GFRA2: variants seen among roughly 807,000 people sequenced by gnomAD.
The protein encoded by GFRA2 is GDNF family receptor alpha 2.
GFRA2 carries 17 observed loss-of-function variants against 48.3 expected under a neutral mutation model. That is an observed-to-expected ratio of 0.35 (90% CI 0.24 to 0.53). The LOEUF (loss-of-function observed/expected upper bound fraction) is 0.53. Ranked by LOEUF, GFRA2 falls within the 20% of genes least tolerant of loss-of-function variation. The pLI is 0.93. For synonymous variants in GFRA2, 305 were observed against 257.2 expected (o/e 1.19, Z -1.78); for missense variants, 660 against 637.3 (o/e 1.04, Z -0.38).
intron 1 of GFRA2, among the ~76,000 whole-genome samples, chr8:21,811,684 T>C (rs1381522160): frequency 1.3e-5 from 2 of 152,046 alleles, no homozygotes; most frequent in Non-Finnish European, 2.9e-5. Context: ...CCCCACAGGC[T>C]GTCCTAACAG....
rs752107336 is a variant in GFRA2 at position 21,702,967 on chromosome 8, G to A, written c.1056C>T (p.Ile352=). The A allele has an allele frequency of 1.2e-5, 19 of 1,522,850 alleles. No individual in the cohort carries two copies. In the African/African-American group the frequency reaches 1.7e-4, roughly 14 times the overall value. 94.3% of individuals were successfully genotyped at this position (1,522,850 alleles called of 1,614,324 possible). A position where few individuals can be genotyped will look rare whatever the true frequency, so the allele number is the denominator to read the frequency against. ...CGTCCGTGCCGTTGCCAAAGGCCTG[G>A]ATGGCGTTCCCTGGGATGGGGGTGA... is the stretch of plus-strand genomic sequence containing the variant. ...FTENPCLRNA[I]QAFGNGTDVN... is the part of the protein sequence containing the mutation. The change falls in exon 7 of 9, where the codon ATC becomes ATT. Residue 352 remains isoleucine (I), a synonymous_variant. Coordinates refer to ENST00000524240, the MANE Select transcript of GFRA2 (RefSeq NM_001495.5).
Position 21,750,843 on chromosome 8 carries a change from G to A in GFRA2, c.539C>T (p.Ser180Phe). 1.2e-6 allele frequency: 2 copies of A among 1,614,000 alleles called. No individual in the cohort carries two copies. ...CTCGCGGTTGCAGATGGAGATGTAGGAGGAGCGCAGCTTCTTGCAGTTGTC... is the reference window on the plus strand; with the variant it reads ...CTCGCGGTTGCAGATGGAGATGTAGAAGGAGCGCAGCTTCTTGCAGTTGTC... ...LNDNCKKLRS[S>F]YISICNREIS... The change falls in exon 4 of 9, where the codon TCC (serine) becomes TTC (phenylalanine). Residue 180 changes from serine (S) to phenylalanine (F), a missense_variant. Coordinates refer to ENST00000524240, the MANE Select transcript of GFRA2 (RefSeq NM_001495.5). This position sits in a 1 kb window ranked among gnomAD's most constrained non-coding sequence, Gnocchi z 5.7.
intron 7 of GFRA2, among the ~76,000 whole-genome samples, chr8:21,697,771 C>T (rs1802281133): frequency 6.6e-6 from 1 of 152,160 alleles, no homozygotes; most frequent in South Asian, 2.1e-4. Flanking sequence ...GCGTGGGTCT[C>T]TTCCATGCTG....
rs984975460 is a variant in GFRA2 at position 21,750,111 on chromosome 8, G to C, written c.794+477C>G. Among the ~76,000 whole-genome samples the C allele has an allele frequency of 9.3e-6, 1 of 107,150 alleles. No individual in the cohort carries two copies. Among genetic ancestry groups the C allele is most frequent in the Admixed American group, 8.3e-5 (1 of 12,066 alleles). 70.3% of individuals were successfully genotyped at this position (107,150 alleles called of 152,430 possible). A position where few individuals can be genotyped will look rare whatever the true frequency, so the allele number is the denominator to read the frequency against. On this transcript the variant is annotated intron_variant, in intron 4 of 8. Transcript: ENST00000524240. This position sits in a 1 kb window ranked among gnomAD's most constrained non-coding sequence, Gnocchi z 5.7. ...TATACACACACACACACACACACAC[G>C]CACATATATAGGTAGAGACTGAGTT...
At chr8:21,784,433 C>A (rs1807166238) in intron 1 of GFRA2, 2 of 432,312 alleles carry the variant, frequency 4.6e-6, no homozygotes, top group South Asian at 1.6e-5. Flanking sequence ...CTCAATACCG[C>A]AGAATTCCCC....
At chr8:21,758,224 C>T (rs953405067) in intron 3 of GFRA2, among the ~76,000 whole-genome samples, 6 of 151,612 alleles carry the variant, frequency 4.0e-5, no homozygotes, top group Admixed American at 1.3e-4. Context: ...CACACACACA[C>T]ACACCTCACC....
chr8:21,792,962 G>C (rs1807602696), upstream of GFRA2, among the ~76,000 whole-genome samples: 1 of 152,208 alleles, frequency 6.6e-6, no homozygotes, highest in Non-Finnish European at 1.5e-5. Context: ...AGCTACTCGA[G>C]TGCCTGAGGC....
chr8:21,807,267 A>C (rs1470379507), intron 1 of GFRA2, among the ~76,000 whole-genome samples: 1 of 152,188 alleles, frequency 6.6e-6, no homozygotes, highest in Non-Finnish European at 1.5e-5. Flanking sequence ...GGTTTGTTAC[A>C]TAAGTAAGTT....
In GFRA2 at chr8:21,782,910, G is replaced by C. The variant is rs968531583; in HGVS notation, c.41-11C>G. 6.5e-7 allele frequency: 1 copy of C among 1,544,430 alleles called. No individual in the cohort carries two copies. Among genetic ancestry groups the C allele is most frequent in the Non-Finnish European group, 8.7e-7 (1 of 1,151,366 alleles). On this transcript the variant is annotated splice_polypyrimidine_tract_variant and intron_variant, in intron 1 of 8. Transcript: ENST00000524240. The stretch of plus-strand genomic sequence containing the variant: ...AGCGGAGGGTCTCGTCTGGGTGGTG[G>C]GGAGGGAAGACAAGCATGAATGACG...
chr8:21,799,530 T>C (rs1807735820), intron 2 of GFRA2, among the ~76,000 whole-genome samples: 1 of 152,220 alleles, frequency 6.6e-6, no homozygotes, highest in African/African-American at 2.4e-5. Flanking sequence ...TTAAGTTCTT[T>C]TTAATTCAAG....
chr8:21,720,260 G>C lies in GFRA2; in HGVS notation c.795-14219C>G, dbSNP rs74983610. On this transcript the variant is annotated intron_variant, in intron 4 of 8. Coordinates refer to ENST00000524240, the MANE Select transcript of GFRA2 (RefSeq NM_001495.5). ...ACTTCTTCTGAGAGGCAGGAAGCAC[G>C]GTGGCTGAGAGCAAGACTCCAGGCA... Among the ~76,000 whole-genome samples the C allele has an allele frequency of 7.9e-3, 1,201 of 152,258 alleles. 14 individuals are homozygous for C. The highest frequency in any genetic ancestry group is 0.028 in the African/African-American group (1,147 of 41,552).
At chr8:21,705,832 C>T in intron 5 of GFRA2, 100 bp downstream of exon 5, 1 of 729,756 alleles carries the variant, frequency 1.4e-6, no homozygotes, top group Non-Finnish European at 2.3e-6. Context: ...CGGGCTCAGG[C>T]TGTCTCCCCC....
rs973495090 is a variant in GFRA2, at chr8:21,788,733, T to G, written c.-574A>C. ...ACGAAGACAAGATTCAAAAAAATCT[T>G]CTCCCGCTAACCCTTGCTCGGCTCA... On this transcript the variant is annotated 5_prime_UTR_variant, in exon 1 of 9. Transcript: ENST00000524240. The G allele has an allele frequency of 6.5e-5, 64 of 985,388 alleles. No homozygotes were observed. The highest frequency in any genetic ancestry group is 7.3e-5 in the Non-Finnish European group (61 of 830,032). 61.0% of individuals were successfully genotyped at this position (985,388 alleles called of 1,614,324 possible).
At chr8:21,758,205 C>A (rs200588275) in intron 3 of GFRA2, among the ~76,000 whole-genome samples, 1 of 89,168 alleles carries the variant, frequency 1.1e-5, no homozygotes, top group East Asian at 3.8e-4. Flanking sequence ...GGCCCACTCC[C>A]CACACACACA....
At chr8:21,808,517 C>T (rs181273273) in intron 1 of GFRA2, among the ~76,000 whole-genome samples, 9 of 152,320 alleles carry the variant, frequency 5.9e-5, no homozygotes, top group Admixed American at 2.0e-4. Context: ...CTTTCACTTC[C>T]GTTAACCCTC....
chr8:21,695,755 G>A (rs1368006737), intron 7 of GFRA2, among the ~76,000 whole-genome samples: 2 of 152,090 alleles, frequency 1.3e-5, no homozygotes, highest in Non-Finnish European at 2.9e-5. Context: ...AGGGTGTCAG[G>A]GAAAAAGAAC....
intron 8 of GFRA2, 103 bp downstream of exon 8, chr8:21,694,361 A>G: frequency 9.1e-7 from 1 of 1,104,716 alleles, no homozygotes; most frequent in Non-Finnish European, 1.3e-6. Flanking sequence ...GGCCCAGCCC[A>G]TGCGATGAGA....
intron 2 of GFRA2, among the ~76,000 whole-genome samples, chr8:21,802,355 T>A (rs1426571199): frequency 6.6e-6 from 1 of 152,172 alleles, no homozygotes; most frequent in Non-Finnish European, 1.5e-5. Flanking sequence ...TCTGTCTTCT[T>A]CTTCTTCCTC....
chr8:21,735,517 G>T (rs183541503), intron 4 of GFRA2, among the ~76,000 whole-genome samples: 1 of 152,112 alleles, frequency 6.6e-6, no homozygotes, highest in Non-Finnish European at 1.5e-5. Flanking sequence ...ACAGAGAGCC[G>T]CTGTGTGGAG....
Sources: allele counts gnomAD v4.1 joint callset (sites outside exome capture counted in the v4.1 genomes callset), GRCh38; gene constraint gnomAD v4.1.1; non-coding constraint Gnocchi (gnomAD v3.1); transcripts MANE v1.5; gene names NCBI Gene and HGNC (gene_info 2026-07-23, HGNC 2026-07-21).